The following PLCG2 variants were observed in gnomAD, a reference collection of about 807,000 sequenced individuals.
PLCG2 encodes phospholipase C gamma 2, also known as 1-phosphatidylinositol 4,5-bisphosphate phosphodiesterase gamma-2.
Under a neutral mutation model 175.6 loss-of-function variants are expected in PLCG2, and 69 were observed. The observed-to-expected ratio is 0.39, with a 90% CI of 0.32 to 0.48. The LOEUF is 0.48. PLCG2 is among the 20% of genes least tolerant of loss of function. PLCG2 has a pLI of 0.91. For missense variants in PLCG2, 1,798 were observed against 1,650.9 expected (o/e 1.09, Z -1.54); for synonymous variants, 827 against 624.0 (o/e 1.33, Z -4.85).
intron 2 of PLCG2, among the ~76,000 whole-genome samples, chr16:81,838,795 ATATATATAT>A (rs1905667484): frequency 6.7e-6 from 1 of 148,362 alleles, no homozygotes; most frequent in Non-Finnish European, 1.5e-5. Context: ...ATATATATAT[ATATATATAT>A]ATATGTAAAT....
At chr16:81,780,603 G>C (rs1370095498) in intron 1 of PLCG2, among the ~76,000 whole-genome samples, 1 of 152,200 alleles carries the variant, frequency 6.6e-6, no homozygotes, top group Non-Finnish European at 1.5e-5. Context: ...TAATGATGCA[G>C]CTGCCTTCCC....
chr16:81,834,265 G>T (rs1234789312), intron 2 of PLCG2, among the ~76,000 whole-genome samples: 1 of 152,196 alleles, frequency 6.6e-6, no homozygotes, highest in Non-Finnish European at 1.5e-5. Context: ...AGGGGGACCT[G>T]GTTTGTTCTC....
intron 5 of PLCG2, among the ~76,000 whole-genome samples, chr16:81,865,406 C>T (rs1216279742): frequency 6.6e-6 from 1 of 152,072 alleles, no homozygotes; most frequent in African/African-American, 2.4e-5. Flanking sequence ...AGGGAGAAAG[C>T]GGGTGAGGCT....
At chr16:81,917,962 A>T (rs531010038) in intron 19 of PLCG2, among the ~76,000 whole-genome samples, 75 of 152,288 alleles carry the variant, frequency 4.9e-4, no homozygotes, top group African/African-American at 1.7e-3. Context: ...ACCTCAAGTG[A>T]TCTGCCTGCC....
intron 2 of PLCG2, among the ~76,000 whole-genome samples, chr16:81,838,397 G>A (rs1905638218): frequency 6.6e-6 from 1 of 152,148 alleles, no homozygotes; most frequent in Non-Finnish European, 1.5e-5. Context: ...TGAAAGATAT[G>A]AAATGTCTTT....
chr16:81,811,727 C>G (rs1904329011), intron 2 of PLCG2, among the ~76,000 whole-genome samples: 1 of 152,134 alleles, frequency 6.6e-6, no homozygotes, highest in South Asian at 2.1e-4. Context: ...GCATAGTATT[C>G]CATGGTGTAT....
chr16:81,840,042 G>A (rs186291797), intron 2 of PLCG2, among the ~76,000 whole-genome samples: 2 of 152,332 alleles, frequency 1.3e-5, no homozygotes, highest in East Asian at 1.9e-4. Context: ...GGGTGACAGG[G>A]CATGACCTTG....
At chr16:81,957,594 G>T (rs76743224) in intron 32 of PLCG2, among the ~76,000 whole-genome samples, 1 of 152,094 alleles carries the variant, frequency 6.6e-6, no homozygotes, top group Admixed American at 6.5e-5. Flanking sequence ...GGTGCGGGGC[G>T]GCCGGGGTTG....
At chr16:81,933,171 G>T (rs1051682269) in intron 25 of PLCG2, among the ~76,000 whole-genome samples, 1 of 152,132 alleles carries the variant, frequency 6.6e-6, no homozygotes, top group Non-Finnish European at 1.5e-5. Context: ...CTCTCTAACT[G>T]GTTTTTATAT....
intron 2 of PLCG2, among the ~76,000 whole-genome samples, chr16:81,763,750 T>C (rs1910087450): frequency 6.6e-6 from 1 of 152,076 alleles, no homozygotes; most frequent in Non-Finnish European, 1.5e-5. Context: ...GTGGATCACC[T>C]GAGGTCTGGA....
At chr16:81,921,172 A>ATTTC in intron 20 of PLCG2, 26 bp from the exon 21 acceptor site, 1 of 1,411,188 alleles carries the variant, frequency 7.1e-7, no homozygotes, top group Non-Finnish European at 1.0e-6. Flanking sequence ...GGATTATTCC[A>ATTTC]TTTCTTTCTT....
intron 5 of PLCG2, among the ~76,000 whole-genome samples, chr16:81,866,844 G>T (rs890471966): frequency 6.6e-6 from 1 of 152,220 alleles, no homozygotes; most frequent in Non-Finnish European, 1.5e-5. Context: ...TGTTCCCACT[G>T]CTCCTCCACC....
chr16:81,887,476 C>G (rs573843427), intron 9 of PLCG2, among the ~76,000 whole-genome samples: 1 of 152,194 alleles, frequency 6.6e-6, no homozygotes, highest in East Asian at 1.9e-4. Context: ...TTCAAAGATT[C>G]TGACACCTCT....
chr16:81,917,935 C>T (rs186578915), intron 19 of PLCG2, among the ~76,000 whole-genome samples: 36 of 152,270 alleles, frequency 2.4e-4, no homozygotes, highest in African/African-American at 8.2e-4. Context: ...GTTGGCCAGG[C>T]TGGTATCGAA....
In PLCG2 at chr16:81,912,676, C is replaced by T. The variant is rs1389052360; in HGVS notation, c.2014C>T (p.Arg672Trp). 1 of 1,612,288 alleles carries T rather than the reference C, an allele frequency of 6.2e-7. No individual in the cohort carries two copies. Among genetic ancestry groups the T allele is most frequent in the Non-Finnish European group, 8.5e-7 (1 of 1,179,266 alleles). The change falls in exon 19 of 33, where the codon CGG (arginine) becomes TGG (tryptophan). Residue 672 changes from arginine to tryptophan, a missense_variant. Physicochemically the swap from Arg to Trp is moderately radical, Grantham distance 101 (BLOSUM62 -3). Coordinates refer to ENST00000564138, the MANE Select transcript of PLCG2 (RefSeq NM_002661.5). ...TCCCCGGGACGGGGCCTTCCTGATC[C>T]GGAAGCGAGAGGGGAGCGACTCCTA... is the stretch of plus-strand genomic sequence containing the variant. ...RIPRDGAFLI[R>W]KREGSDSYAI...
At chr16:81,862,535 C>A (rs535219422) in intron 5 of PLCG2, among the ~76,000 whole-genome samples, 1 of 152,156 alleles carries the variant, frequency 6.6e-6, no homozygotes, top group African/African-American at 2.4e-5. Flanking sequence ...ACTTACTTTC[C>A]CCACTGGTGT....
intron 13 of PLCG2, among the ~76,000 whole-genome samples, chr16:81,896,216 C>A (rs1322769144): frequency 2.0e-5 from 3 of 152,150 alleles, no homozygotes; most frequent in African/African-American, 7.2e-5. Flanking sequence ...TGTCTGGCCC[C>A]CACTTTCAGA....
In PLCG2 at chr16:81,745,963, G is replaced by C. The variant is rs78500767; in HGVS notation, c.-145+6578G>C. Among the ~76,000 whole-genome samples the C allele has an allele frequency of 3.9e-3, 598 of 152,288 alleles. 3 individuals carry two copies. The highest frequency in any genetic ancestry group is 0.014 in the African/African-American group (570 of 41,562). On this transcript the variant is annotated intron_variant, in intron 1 of 5. Transcript: ENST00000565054. ...GCGAGACTAGCCCATTCAGAGGTGC[G>C]TCCTTCCTTTTTCTTTAGAAGGGAG...
chr16:81,930,265 A>G (rs953835988), intron 24 of PLCG2, among the ~76,000 whole-genome samples: 3 of 152,174 alleles, frequency 2.0e-5, no homozygotes, highest in Non-Finnish European at 4.4e-5. Flanking sequence ...TACTAATATT[A>G]TTTGGCAGAT....
Sources: allele counts gnomAD v4.1 joint callset (sites outside exome capture counted in the v4.1 genomes callset), GRCh38; gene constraint gnomAD v4.1.1; transcripts MANE v1.5; gene names NCBI Gene and HGNC (gene_info 2026-07-23, HGNC 2026-07-21).